CCDC91: variants seen among roughly 807,000 people sequenced by gnomAD.
CCDC91 encodes the protein coiled-coil domain containing 91, also known as coiled-coil domain-containing protein 91.
CCDC91 carries 48 observed loss-of-function variants against 63.2 expected under a neutral mutation model. The observed-to-expected ratio is 0.76, with a 90% CI of 0.60 to 0.97. CCDC91 has a LOEUF of 0.97. CCDC91 is among the 50% of genes least tolerant of loss of function. The pLI is 0.00. For missense variants in CCDC91, 500 were observed against 494.6 expected (o/e 1.01, Z -0.10); for synonymous variants, 167 against 165.8 (o/e 1.01, Z -0.06).
At chr12:28,271,502 C>A (rs1332270715) in intron 3 of CCDC91, among the ~76,000 whole-genome samples, 1 of 151,970 alleles carries the variant, frequency 6.6e-6, no homozygotes, top group African/African-American at 2.4e-5. Flanking sequence ...TTAAGTGATA[C>A]TTGAATTTTT....
At chr12:28,449,969 A>G (rs1441491211) in intron 8 of CCDC91, among the ~76,000 whole-genome samples, 192 bp from the exon 9 acceptor site, 1 of 151,952 alleles carries the variant, frequency 6.6e-6, no homozygotes, top group East Asian at 1.9e-4. Context: ...GGGCTAAGAA[A>G]TGTATCTTGG....
At chr12:28,482,656 A>C (rs530727071) in intron 11 of CCDC91, among the ~76,000 whole-genome samples, 2 of 152,082 alleles carry the variant, frequency 1.3e-5, no homozygotes, top group African/African-American at 4.8e-5. Context: ...ATGAAAATAA[A>C]TGTTATCAAG....
chr12:28,257,373 G>C, intron 2 of CCDC91, 128 bp downstream of exon 2: 1 of 610,336 alleles, frequency 1.6e-6, no homozygotes, highest in South Asian at 2.5e-5. Flanking sequence ...TGTAATTCTG[G>C]AGTAAAAAGA....
intron 8 of CCDC91, among the ~76,000 whole-genome samples, chr12:28,449,544 T>G (rs1949697556): frequency 6.6e-6 from 1 of 152,036 alleles, no homozygotes; most frequent in South Asian, 2.1e-4. Flanking sequence ...TGGTTGATAG[T>G]TATGTGAGCT....
At chr12:28,531,105 T>C (rs1273783528) in intron 12 of CCDC91, among the ~76,000 whole-genome samples, 1 of 152,180 alleles carries the variant, frequency 6.6e-6, no homozygotes, top group Non-Finnish European at 1.5e-5. Context: ...TGTTTTACGA[T>C]TTGGAATGTT....
At chr12:28,320,669 T>C (rs1324512872) in intron 6 of CCDC91, among the ~76,000 whole-genome samples, 1 of 151,876 alleles carries the variant, frequency 6.6e-6, no homozygotes, top group Non-Finnish European at 1.5e-5. Flanking sequence ...AAGTAAGTCA[T>C]AGAGTGTCTC....
chr12:28,425,372 C>G (rs1168288299), intron 8 of CCDC91, among the ~76,000 whole-genome samples: 3 of 152,066 alleles, frequency 2.0e-5, no homozygotes, highest in Admixed American at 6.6e-5. Flanking sequence ...ACTCACTGTT[C>G]AGTACTTTCT....
chr12:28,520,797 C>T (rs1940549533), intron 12 of CCDC91, among the ~76,000 whole-genome samples: 1 of 152,136 alleles, frequency 6.6e-6, no homozygotes, highest in Non-Finnish European at 1.5e-5. Context: ...TATGGCTAGC[C>T]AGTTTTCCCA....
At chr12:28,337,620 T>G (rs1378400455) in intron 6 of CCDC91, among the ~76,000 whole-genome samples, 3 of 152,120 alleles carry the variant, frequency 2.0e-5, no homozygotes, top group Admixed American at 2.0e-4. Flanking sequence ...TATGAAAGTT[T>G]GAACCAAGTT....
chr12:28,335,411 AT>A (rs1221876504), intron 6 of CCDC91, among the ~76,000 whole-genome samples: 1 of 142,116 alleles, frequency 7.0e-6, no homozygotes, highest in African/African-American at 2.6e-5. Flanking sequence ...ATATAAATAT[AT>A]AAAAATACAT....
chr12:28,509,059 A>T (rs1939071752), intron 12 of CCDC91, among the ~76,000 whole-genome samples: 1 of 151,910 alleles, frequency 6.6e-6, no homozygotes, highest in Admixed American at 6.6e-5. Flanking sequence ...CATAGCAGTT[A>T]TGGCATTTCT....
intron 3 of CCDC91, among the ~76,000 whole-genome samples, chr12:28,259,982 A>G (rs1565686223): frequency 6.6e-6 from 1 of 151,978 alleles, no homozygotes; most frequent in African/African-American, 2.4e-5. Flanking sequence ...TTTCTGTTAA[A>G]TCTGTTAAAG....
intron 11 of CCDC91, among the ~76,000 whole-genome samples, chr12:28,483,415 G>T (rs1303839190): frequency 2.0e-5 from 3 of 152,038 alleles, no homozygotes; most frequent in Admixed American, 2.0e-4. Flanking sequence ...TAGTTTTACA[G>T]AATTTTAGTT....
chr12:28,531,461 C>T (rs1376098154), intron 12 of CCDC91, among the ~76,000 whole-genome samples: 1 of 152,074 alleles, frequency 6.6e-6, no homozygotes, highest in Non-Finnish European at 1.5e-5. Flanking sequence ...AAAATAAAGG[C>T]AACCTGCTAT....
chr12:28,234,683 C>G (rs1325721088), intron 1 of CCDC91, among the ~76,000 whole-genome samples: 2 of 151,964 alleles, frequency 1.3e-5, no homozygotes, highest in African/African-American at 4.8e-5. Flanking sequence ...TGGTTAACAT[C>G]ATGACACATG....
intron 3 of CCDC91, among the ~76,000 whole-genome samples, chr12:28,270,759 A>T (rs1947714574): frequency 6.6e-6 from 1 of 152,164 alleles, no homozygotes; most frequent in Non-Finnish European, 1.5e-5. Context: ...TGTGAAATTT[A>T]CTTCTCCTGA....
chr12:28,325,795 T>C (rs1940936332), intron 6 of CCDC91, among the ~76,000 whole-genome samples: 1 of 151,302 alleles, frequency 6.6e-6, no homozygotes, highest in South Asian at 2.1e-4. Flanking sequence ...ATGATAGAGG[T>C]AGGGCAAGGG....
intron 3 of CCDC91, 137 bp from the exon 4 acceptor site, chr12:28,305,512 T>G: frequency 4.1e-6 from 3 of 734,660 alleles, no homozygotes; most frequent in Non-Finnish European, 6.4e-6. Flanking sequence ...GAATCCTGAT[T>G]TTTCACTCTC....
At position 28,362,509 on chromosome 12, in the gene CCDC91, A is replaced by T. The variant is rs749069736; in HGVS notation, c.648A>T (p.Glu216Asp). ...AAGCCCTCAGCATTATTGTGGATGA[A>T]TATAAGGTAGAGGTTTGAGAGTGTT... is the stretch of plus-strand genomic sequence containing the variant. ...GHEALSIIVD[E>D]YKALLQSSVK... Residue 216 changes from glutamate (E) to aspartate (D), a missense_variant, in exon 7 of 13, where the codon GAA (glutamate) becomes GAT (aspartate). Glu to Asp is a conservative substitution (Grantham distance 45, BLOSUM62 2). Transcript: ENST00000536442. 1 of 1,584,892 alleles carries T rather than the reference A, an allele frequency of 6.3e-7. No individual in the cohort carries two copies. Among genetic ancestry groups the T allele is most frequent in the South Asian group, 1.2e-5 (1 of 85,598 alleles).
Sources: allele counts gnomAD v4.1 joint callset (sites outside exome capture counted in the v4.1 genomes callset), GRCh38; gene constraint gnomAD v4.1.1; transcripts MANE v1.5; gene names NCBI Gene and HGNC (gene_info 2026-07-23, HGNC 2026-07-21).